CEP112: variants seen among roughly 807,000 people sequenced by gnomAD.
CEP112 encodes the protein centrosomal protein of 112 kDa.
A neutral mutation model predicts 153.0 loss-of-function variants in CEP112; 127 were observed. That is an observed-to-expected ratio of 0.83 (90% CI 0.72 to 0.96). The LOEUF is 0.96. Ranked by LOEUF, CEP112 falls within the 40% of genes least tolerant of loss-of-function variation. The pLI is 0.00. For missense variants in CEP112, 1,089 were observed against 1,101.2 expected, an observed-to-expected ratio of 0.99 and a Z score of 0.16; for synonymous variants, 358 against 374.4, an observed-to-expected ratio of 0.96 and a Z score of 0.51.
intron 12 of CEP112, among the ~76,000 whole-genome samples, chr17:66,038,110 A>AAAAAAAGAAAAGAAAAG (rs71293591): frequency 3.3e-4 from 40 of 120,708 alleles, no homozygotes; most frequent in African/African-American, 1.3e-3. Context: ...CAAAAAAAAA[A>AAAAAAAGAAAAGAAAAG]AAAAGAAAAG....
chr17:66,021,137 A>G (rs1209573198), intron 16 of CEP112, among the ~76,000 whole-genome samples: 1 of 152,086 alleles, frequency 6.6e-6, no homozygotes, highest in African/African-American at 2.4e-5. Context: ...AGCGTGTGAA[A>G]AGGAATGATA....
At chr17:65,743,481 GAAGA>G (rs1299353981) in intron 22 of CEP112, among the ~76,000 whole-genome samples, 1 of 152,156 alleles carries the variant, frequency 6.6e-6, no homozygotes, top group African/African-American at 2.4e-5. Flanking sequence ...TTACTCATCA[GAAGA>G]AAGAACATCT....
intron 17 of CEP112, among the ~76,000 whole-genome samples, chr17:65,976,735 CT>C (rs771108755): frequency 1.1e-4 from 9 of 85,328 alleles, no homozygotes; most frequent in African/African-American, 2.7e-4. Context: ...ATAACTTTTT[CT>C]TTTTTTTTTT....
At chr17:66,149,713 A>G (rs959840098) in intron 4 of CEP112, among the ~76,000 whole-genome samples, 1 of 151,730 alleles carries the variant, frequency 6.6e-6, no homozygotes, top group African/African-American at 2.4e-5. Context: ...TTACCCATGT[A>G]GTTAAAAGTT....
chr17:65,764,089 G>A (rs746264491), intron 21 of CEP112, among the ~76,000 whole-genome samples: 1 of 152,016 alleles, frequency 6.6e-6, no homozygotes, highest in Non-Finnish European at 1.5e-5. Flanking sequence ...GTTCAAGAAT[G>A]GAGGGATCTG....
intron 8 of CEP112, among the ~76,000 whole-genome samples, chr17:66,076,603 G>A: frequency 6.6e-6 from 1 of 152,094 alleles, no homozygotes; most frequent in East Asian, 1.9e-4. Flanking sequence ...GCCCCCACCT[G>A]CTGGGCCTTC....
chr17:65,807,427 T>C (rs568272863), intron 21 of CEP112, among the ~76,000 whole-genome samples: 3 of 152,288 alleles, frequency 2.0e-5, no homozygotes, highest in Admixed American at 2.0e-4. Context: ...GAGATTTAAG[T>C]AGGTTATAGA....
At chr17:66,159,370 T>C (rs2071594457) in intron 4 of CEP112, among the ~76,000 whole-genome samples, 1 of 152,188 alleles carries the variant, frequency 6.6e-6, no homozygotes, top group Admixed American at 6.5e-5. Context: ...GTTATCCTGA[T>C]ACCAAAACCT....
chr17:65,942,245 AC>A (rs1489477789), intron 18 of CEP112, among the ~76,000 whole-genome samples: 1 of 152,156 alleles, frequency 6.6e-6, no homozygotes, highest in Non-Finnish European at 1.5e-5. Flanking sequence ...TCTAGGTTGT[AC>A]ACTCCTTAAG....
chr17:66,152,120 T>G (rs1222302208), intron 4 of CEP112, among the ~76,000 whole-genome samples: 2 of 152,092 alleles, frequency 1.3e-5, no homozygotes, highest in Non-Finnish European at 1.5e-5. Flanking sequence ...TATCTGAAAG[T>G]AAAGTACAGC....
chr17:66,191,858 G>C lies in CEP112; in HGVS notation c.-9+139C>G, dbSNP rs2073175065. 1 of 152,248 alleles carries C rather than the reference G, an allele frequency of 6.6e-6. No homozygotes were observed. The highest frequency in any genetic ancestry group is 1.5e-5 in the Non-Finnish European group (1 of 68,024). The allele number at this position is 152,248 out of a possible 1,614,324, so 9.4% of individuals were successfully genotyped here. Reference sequence around the variant, plus strand: ...CAGGGGCGCGCGCCCCCCAGGCCCGGAGAACGGGCCCAGGGCCTGAGGGCG... The same window carrying C: ...CAGGGGCGCGCGCCCCCCAGGCCCGCAGAACGGGCCCAGGGCCTGAGGGCG... On this transcript the variant is annotated intron_variant, in intron 1 of 26. Transcript: ENST00000535342. This position sits in a 1 kb window ranked among gnomAD's most constrained non-coding sequence, Gnocchi z 4.2.
At position 66,081,019 on chromosome 17, in the gene CEP112, G is replaced by A. The variant is rs539408372; in HGVS notation, c.769-11018C>T. On this transcript the variant is annotated intron_variant, in intron 8 of 26. Transcript: ENST00000535342. ...ACACACTGGGGACTGTCAGGGGGTA[G>A]GGGGCTAGGGGAGGGATAGCATTAG... is the stretch of plus-strand genomic sequence containing the variant. Among the ~76,000 whole-genome samples the A allele has an allele frequency of 4.9e-4, 75 of 152,200 alleles. 1 individual carries two copies. The South Asian group carries it at 0.015, about 31-fold the overall frequency.
chr17:65,739,053 C>T (rs921156265), intron 23 of CEP112, among the ~76,000 whole-genome samples: 3 of 152,214 alleles, frequency 2.0e-5, no homozygotes, highest in East Asian at 1.9e-4. Flanking sequence ...TCTGCTTTTA[C>T]CCCTTTTAAT....
At chr17:66,068,994 G>C (rs1433564003) in intron 9 of CEP112, among the ~76,000 whole-genome samples, 2 of 151,848 alleles carry the variant, frequency 1.3e-5, no homozygotes, top group Admixed American at 6.6e-5. Context: ...AATTGGAAAA[G>C]GAGAGTTCAG....
At chr17:65,875,160 G>GA (rs888271597) in intron 20 of CEP112, among the ~76,000 whole-genome samples, 5 of 151,534 alleles carry the variant, frequency 3.3e-5, no homozygotes, top group South Asian at 2.1e-4. Context: ...AAATTTCTCT[G>GA]AAAAAAAATT....
intron 9 of CEP112, among the ~76,000 whole-genome samples, chr17:66,067,976 T>C (rs1434045020): frequency 2.0e-5 from 3 of 152,196 alleles, no homozygotes; most frequent in Non-Finnish European, 2.9e-5. Context: ...AGATGACATG[T>C]AATCAGCCTC....
intron 21 of CEP112, among the ~76,000 whole-genome samples, chr17:65,838,484 T>C (rs1389457920): frequency 6.6e-6 from 1 of 152,122 alleles, no homozygotes; most frequent in African/African-American, 2.4e-5. Context: ...CATTAAAACC[T>C]ATGAGATACA....
At chr17:65,821,567 T>TC (rs2056585480) in intron 21 of CEP112, among the ~76,000 whole-genome samples, 2 of 113,552 alleles carry the variant, frequency 1.8e-5, no homozygotes, top group African/African-American at 3.3e-5. Context: ...TTTTTTTTTT[T>TC]CTGAGACGGA....
intron 12 of CEP112, among the ~76,000 whole-genome samples, chr17:66,050,458 T>A (rs530260095): frequency 2.0e-5 from 3 of 152,178 alleles, no homozygotes; most frequent in Non-Finnish European, 4.4e-5. Context: ...GAGACTGTTG[T>A]ATTCTCTCCA....
Sources: gnomAD v4.1 joint callset for allele counts (sites outside exome capture counted in the v4.1 genomes callset) on GRCh38, gnomAD v4.1.1 for gene constraint, Gnocchi (gnomAD v3.1) non-coding constraint, MANE v1.5 for transcripts, NCBI Gene and HGNC (gene_info 2026-07-23, HGNC 2026-07-21) for gene names.